RIN2: variants seen among roughly 807,000 people sequenced by gnomAD.
RIN2 encodes the protein RAB5 interacting protein 2.
Under a neutral mutation model 78.0 loss-of-function variants are expected in RIN2, and 36 were observed. That is an observed-to-expected ratio of 0.46 (90% CI 0.35 to 0.61). The LOEUF (loss-of-function observed/expected upper bound fraction) is 0.61, where lower values mean the gene tolerates loss of function less well. RIN2 is among the 20% of genes least tolerant of loss of function. The pLI, the probability that RIN2 is intolerant of heterozygous loss-of-function variation, is 0.00. For missense variants in RIN2, 1,087 were observed against 1,159.7 expected (o/e 0.94, Z 0.91); for synonymous variants, 466 against 466.8 (o/e 1.00, Z 0.02).
intron 2 of RIN2, among the ~76,000 whole-genome samples, chr20:19,866,840 A>C (rs116461436): frequency 6.6e-6 from 1 of 151,772 alleles, no homozygotes; most frequent in Non-Finnish European, 1.5e-5. Flanking sequence ...GACCAGGCTG[A>C]TCTCGATCTC....
intron 2 of RIN2, among the ~76,000 whole-genome samples, chr20:19,855,800 G>C (rs1355433644): frequency 2.0e-5 from 3 of 152,230 alleles, no homozygotes; most frequent in African/African-American, 7.2e-5. Flanking sequence ...TCTTGGCCAG[G>C]CATGGTGGCT....
chr20:19,942,118 A>AAAAAAGAAAAG (rs61328325), intron 4 of RIN2, among the ~76,000 whole-genome samples: 16 of 142,994 alleles, frequency 1.1e-4, no homozygotes, highest in South Asian at 4.3e-4. Flanking sequence ...TCAAAAAAAA[A>AAAAAAGAAAAG]AAAAGAAAGA....
At chr20:19,952,246 G>T (rs1418694036) in intron 4 of RIN2, among the ~76,000 whole-genome samples, 1 of 152,186 alleles carries the variant, frequency 6.6e-6, no homozygotes, top group Non-Finnish European at 1.5e-5. Flanking sequence ...CTCAGGGAGA[G>T]GATGTAGCTT....
chr20:19,777,904 G>A (rs1291884728), intron 1 of RIN2, among the ~76,000 whole-genome samples: 1 of 152,164 alleles, frequency 6.6e-6, no homozygotes, highest in Non-Finnish European at 1.5e-5. Flanking sequence ...GAGGCTTTGG[G>A]TGTGTGATTA....
chr20:19,887,002 G>T (rs550843978), intron 2 of RIN2, among the ~76,000 whole-genome samples: 1 of 152,004 alleles, frequency 6.6e-6, no homozygotes, highest in East Asian at 1.9e-4. Context: ...TCTTAAACCA[G>T]AACTCTTTTG....
chr20:19,936,681 C>T (rs529650967), intron 4 of RIN2, among the ~76,000 whole-genome samples: 8 of 152,242 alleles, frequency 5.3e-5, no homozygotes, highest in South Asian at 4.1e-4. Context: ...TTTCTGACTC[C>T]GGTGGGTATT....
intron 4 of RIN2, among the ~76,000 whole-genome samples, chr20:19,949,698 G>A (rs143134831): frequency 1.3e-5 from 2 of 152,150 alleles, no homozygotes; most frequent in East Asian, 1.9e-4. Context: ...TCGCGGGAGC[G>A]GGTGATGTAG....
At chr20:19,806,881 A>T (rs1281252457) in intron 2 of RIN2, among the ~76,000 whole-genome samples, 25 of 147,454 alleles carry the variant, frequency 1.7e-4, no homozygotes, top group Non-Finnish European at 1.5e-5. Flanking sequence ...TGTCTCAAAA[A>T]GAAAAAGACA....
chr20:20,000,816 CA>C lies in RIN2; in HGVS notation c.2570del (p.Lys857ArgfsTer93). The C allele has an allele frequency of 6.2e-7, 1 of 1,614,036 alleles. No homozygotes were observed. Among genetic ancestry groups the C allele is most frequent in the Non-Finnish European group, 8.5e-7 (1 of 1,179,896 alleles). On this transcript the variant is annotated frameshift_variant, in exon 13 of 13. Coordinates refer to ENST00000255006, the MANE Select transcript of RIN2 (RefSeq NM_018993.4). LOFTEE classifies it high-confidence loss of function. ...CAGAGGACACTTACCCTCAAAAAAT[CA>C]AGGCGGAGCTGCACAGCCGACCACA... ...LAEDTYPQKI[K>X]AELHSRPQPH...
At chr20:19,799,106 G>A (rs1319322354) in intron 1 of RIN2, among the ~76,000 whole-genome samples, 1 of 151,974 alleles carries the variant, frequency 6.6e-6, no homozygotes, top group African/African-American at 2.4e-5. Flanking sequence ...TCACCATGTT[G>A]CCCAGGCTGG....
chr20:19,857,064 C>T (rs2037191801), intron 2 of RIN2, among the ~76,000 whole-genome samples: 4 of 152,180 alleles, frequency 2.6e-5, no homozygotes, highest in Non-Finnish European at 5.9e-5. Context: ...CGGTAGCCAC[C>T]ATCCAGATCA....
chr20:19,769,051 A>G (rs1568735124), intron 1 of RIN2, among the ~76,000 whole-genome samples: 1 of 151,042 alleles, frequency 6.6e-6, no homozygotes, highest in Non-Finnish European at 1.5e-5. Flanking sequence ...CCTCCTGAGT[A>G]GCTGGAATTA....
chr20:19,778,221 C>T (rs913164159), intron 1 of RIN2, among the ~76,000 whole-genome samples: 2 of 152,202 alleles, frequency 1.3e-5, no homozygotes, highest in Non-Finnish European at 2.9e-5. Context: ...GACAAGATGG[C>T]AAATTCCAGT....
chr20:19,868,249 C>T (rs1287930534), intron 2 of RIN2, among the ~76,000 whole-genome samples: 3 of 152,238 alleles, frequency 2.0e-5, no homozygotes, highest in African/African-American at 7.2e-5. Flanking sequence ...TCGCCTGACC[C>T]AGGCTGGGGC....
At chr20:19,923,086 A>G (rs1357444378) in intron 3 of RIN2, among the ~76,000 whole-genome samples, 1 of 152,188 alleles carries the variant, frequency 6.6e-6, no homozygotes, top group Admixed American at 6.5e-5. Flanking sequence ...ATAACATTCC[A>G]AGTAGGCATT....
chr20:19,939,680 C>T (rs150618617), intron 4 of RIN2, among the ~76,000 whole-genome samples: 55 of 152,264 alleles, frequency 3.6e-4, no homozygotes, highest in African/African-American at 1.2e-3. Flanking sequence ...CAATGTGGCC[C>T]CTGCCTCCTG....
At chr20:19,962,418 C>T (rs75270843) in intron 6 of RIN2, among the ~76,000 whole-genome samples, 1,681 of 152,156 alleles carry the variant, frequency 0.011, 36 homozygotes, top group African/African-American at 0.039. Context: ...GGTCGGAAGC[C>T]ACTTCCTCTC....
chr20:19,767,786 G>C lies in RIN2; in HGVS notation c.-163+9459G>C, dbSNP rs59619104. Among the ~76,000 whole-genome samples, 323 of 152,064 alleles carry C rather than the reference G, an allele frequency of 2.1e-3. 1 individual carries two copies. The highest frequency in any genetic ancestry group is 7.4e-3 in the African/African-American group (308 of 41,480). Reference sequence around the variant, plus strand: ...CTAAAAATACAAAAATTAGCTGGGCGTGGTGGCAGGTGCCCATAATCCCAG... The same window carrying C: ...CTAAAAATACAAAAATTAGCTGGGCCTGGTGGCAGGTGCCCATAATCCCAG... On this transcript the variant is annotated intron_variant, in intron 1 of 12. Coordinates refer to ENST00000255006, the MANE Select transcript of RIN2 (RefSeq NM_018993.4).
chr20:19,844,776 A>G (rs2036728657), intron 2 of RIN2, among the ~76,000 whole-genome samples: 1 of 149,980 alleles, frequency 6.7e-6, no homozygotes, highest in African/African-American at 2.5e-5. Context: ...GGATACATGT[A>G]CAGGACATGC....
Sources: gnomAD v4.1 joint callset for allele counts (sites outside exome capture counted in the v4.1 genomes callset) on GRCh38, gnomAD v4.1.1 for gene constraint, MANE v1.5 for transcripts, NCBI Gene and HGNC (gene_info 2026-07-23, HGNC 2026-07-21) for gene names.